BCHE: variants seen among roughly 807,000 people sequenced by gnomAD.
The protein encoded by BCHE is butyrylcholinesterase.
BCHE carries 48 observed loss-of-function variants against 51.3 expected under a neutral mutation model. The observed-to-expected ratio is 0.94, with a 90% confidence interval of 0.74 to 1.19. The LOEUF (loss-of-function observed/expected upper bound fraction) is 1.19. BCHE is among the 50% of genes most tolerant of loss of function. The pLI is 0.00. For synonymous variants in BCHE, 251 were observed against 238.0 expected (o/e 1.05, Z -0.50); for missense variants, 847 against 708.2 (o/e 1.20, Z -2.23).
intron 2 of BCHE, among the ~76,000 whole-genome samples, chr3:165,819,474 T>TA (rs1714435079): frequency 6.6e-6 from 1 of 152,156 alleles, no homozygotes; most frequent in Admixed American, 6.6e-5. Flanking sequence ...GTTTATAATT[T>TA]AAAAAATTAT....
At chr3:165,783,744 A>G (rs534935391) in intron 3 of BCHE, among the ~76,000 whole-genome samples, 1 of 152,154 alleles carries the variant, frequency 6.6e-6, no homozygotes, top group South Asian at 2.1e-4. Context: ...ATTATCCTTG[A>G]CAGTGGGTCA....
chr3:165,807,721 T>C (rs981457942), intron 2 of BCHE, among the ~76,000 whole-genome samples: 1 of 147,380 alleles, frequency 6.8e-6, no homozygotes, highest in East Asian at 2.0e-4. Flanking sequence ...CACTTGGCAA[T>C]TTTTTTTTTG....
intron 3 of BCHE, among the ~76,000 whole-genome samples, chr3:165,781,171 A>G (rs2108198289): frequency 6.6e-6 from 1 of 152,234 alleles, no homozygotes; most frequent in East Asian, 1.9e-4. Context: ...ACATCGCTTG[A>G]ACCCAGGAAA....
At chr3:165,831,958 T>C (rs1430096335) in intron 1 of BCHE, among the ~76,000 whole-genome samples, 5 of 152,152 alleles carry the variant, frequency 3.3e-5, no homozygotes, top group African/African-American at 9.7e-5. Context: ...GATTAAAGTA[T>C]ATGCAACTAG....
At chr3:165,829,218 C>A (rs1320052768) in intron 2 of BCHE, among the ~76,000 whole-genome samples, 1 of 152,012 alleles carries the variant, frequency 6.6e-6, no homozygotes, top group African/African-American at 2.4e-5. Flanking sequence ...TTTAGTTCTC[C>A]AACTAAGCAT....
chr3:165,821,444 A>AAG (rs554173686), intron 2 of BCHE, among the ~76,000 whole-genome samples: 14 of 151,746 alleles, frequency 9.2e-5, no homozygotes, highest in Admixed American at 2.6e-4. Context: ...ATTAAAAAAA[A>AAG]AGAGAGAGAG....
intron 2 of BCHE, among the ~76,000 whole-genome samples, chr3:165,804,761 T>G (rs1455456069): frequency 6.6e-6 from 1 of 152,202 alleles, no homozygotes; most frequent in African/African-American, 2.4e-5. Flanking sequence ...GCTAGAGACA[T>G]TAATGCCAGG....
intron 2 of BCHE, among the ~76,000 whole-genome samples, chr3:165,787,486 A>G (rs1355537): frequency 0.51 from 77,997 of 151,698 alleles, 23,602 homozygotes; most frequent in East Asian, 0.66. Context: ...AAAGGGCCAC[A>G]AATTGTTCAG....
At chr3:165,826,352 A>C (rs1264760404) in intron 2 of BCHE, among the ~76,000 whole-genome samples, 2 of 152,260 alleles carry the variant, frequency 1.3e-5, no homozygotes, top group East Asian at 3.9e-4. Flanking sequence ...ACACAGATGA[A>C]TTGCAATTCT....
intron 2 of BCHE, among the ~76,000 whole-genome samples, chr3:165,800,951 T>C (rs1028201284): frequency 1.3e-5 from 2 of 152,166 alleles, no homozygotes; most frequent in Admixed American, 6.5e-5. Context: ...ATAAGCAGGA[T>C]AACCAAATTT....
At chr3:165,777,562 T>C (rs574980212) in intron 3 of BCHE, among the ~76,000 whole-genome samples, 56 of 152,288 alleles carry the variant, frequency 3.7e-4, no homozygotes, top group African/African-American at 1.2e-3. Context: ...CGTACACATA[T>C]GTATAGAGAT....
intron 3 of BCHE, among the ~76,000 whole-genome samples, chr3:165,781,375 A>G (rs1034325919): frequency 1.3e-5 from 2 of 152,234 alleles, no homozygotes; most frequent in Admixed American, 6.5e-5. Context: ...AATGTGGCAC[A>G]TATATACCAT....
chr3:165,814,284 T>G (rs933686769), intron 2 of BCHE, among the ~76,000 whole-genome samples: 2 of 152,110 alleles, frequency 1.3e-5, no homozygotes, highest in African/African-American at 4.8e-5. Flanking sequence ...ATTCAAAATT[T>G]TTATGACTAC....
At chr3:165,787,352 G>T (rs2108203311) in intron 2 of BCHE, among the ~76,000 whole-genome samples, 1 of 151,852 alleles carries the variant, frequency 6.6e-6, no homozygotes, top group South Asian at 2.1e-4. Context: ...GTATGAGTTA[G>T]ACACAGATCT....
intron 2 of BCHE, among the ~76,000 whole-genome samples, chr3:165,827,285 A>G (rs1349958406): frequency 6.6e-6 from 1 of 152,058 alleles, no homozygotes; most frequent in African/African-American, 2.4e-5. Flanking sequence ...GTCTGCAAAT[A>G]AAATTACTAA....
At chr3:165,819,108 T>G (rs549203749) in intron 2 of BCHE, among the ~76,000 whole-genome samples, 1 of 151,688 alleles carries the variant, frequency 6.6e-6, no homozygotes, top group East Asian at 1.9e-4. Flanking sequence ...GACAGAGTTT[T>G]GCTCTTGTTG....
At chr3:165,818,160 A>G (rs1336144356) in intron 2 of BCHE, among the ~76,000 whole-genome samples, 2 of 152,036 alleles carry the variant, frequency 1.3e-5, no homozygotes, top group Admixed American at 6.6e-5. Context: ...AATTGTTATG[A>G]TCAAATTTAT....
intron 2 of BCHE, among the ~76,000 whole-genome samples, chr3:165,812,082 C>A (rs1038929331): frequency 2.0e-5 from 3 of 151,964 alleles, no homozygotes; most frequent in Non-Finnish European, 4.4e-5. Context: ...GACGGAGGAC[C>A]ACCTGAATTA....
At chr3:165,801,298 T>G (rs1192643125) in intron 2 of BCHE, among the ~76,000 whole-genome samples, 1 of 152,240 alleles carries the variant, frequency 6.6e-6, no homozygotes, top group Non-Finnish European at 1.5e-5. Flanking sequence ...ACCGCAAGGA[T>G]AATTATTTTA....
Sources: allele counts gnomAD v4.1 joint callset (sites outside exome capture counted in the v4.1 genomes callset), GRCh38; gene constraint gnomAD v4.1.1; transcripts MANE v1.5; gene names NCBI Gene and HGNC (gene_info 2026-07-23, HGNC 2026-07-21).